Variants in ZFYVE28 observed in about 807,000 individuals in gnomAD.
The protein encoded by ZFYVE28 is lateral signaling target protein 2 homolog.
ZFYVE28 carries 40 observed loss-of-function variants against 82.1 expected under a neutral mutation model. The observed-to-expected ratio is 0.49, with a 90% confidence interval of 0.38 to 0.63. The LOEUF (loss-of-function observed/expected upper bound fraction) is 0.63, where lower values mean the gene tolerates loss of function less well. ZFYVE28 is among the 30% of genes least tolerant of loss of function. ZFYVE28 has a pLI of 0.00. For missense variants in ZFYVE28, 1,321 were observed against 1,242.1 expected (o/e 1.06, Z -0.96); for synonymous variants, 612 against 546.1 (o/e 1.12, Z -1.68).
intron 9 of ZFYVE28, 45 bp downstream of exon 9, chr4:2,274,017 G>A (rs375407206): frequency 4.7e-5 from 75 of 1,603,104 alleles, no homozygotes; most frequent in Admixed American, 1.8e-4. Context: ...AGCGCAGCCC[G>A]TGTGTCCTCA....
At chr4:2,370,667 T>A (rs1478994411) in intron 1 of ZFYVE28, among the ~76,000 whole-genome samples, 1 of 152,168 alleles carries the variant, frequency 6.6e-6, no homozygotes, top group African/African-American at 2.4e-5. Flanking sequence ...GGCATCACTG[T>A]ACCGGGAGAG....
intron 1 of ZFYVE28, among the ~76,000 whole-genome samples, chr4:2,371,201 C>T (rs954732723): frequency 6.6e-6 from 1 of 152,188 alleles, no homozygotes; most frequent in Non-Finnish European, 1.5e-5. Flanking sequence ...AGGGCAAAGC[C>T]GCCTGGACAC....
chr4:2,402,431 A>G (rs1477704691), intron 1 of ZFYVE28, among the ~76,000 whole-genome samples: 1 of 152,228 alleles, frequency 6.6e-6, no homozygotes, highest in Non-Finnish European at 1.5e-5. Context: ...TATGGTCCCC[A>G]GAAGTCCTGA....
intron 1 of ZFYVE28, among the ~76,000 whole-genome samples, chr4:2,356,516 G>A (rs1334836262): frequency 6.6e-6 from 1 of 151,832 alleles, no homozygotes; most frequent in Non-Finnish European, 1.5e-5. Context: ...GTGGGCACTG[G>A]CTGCCATCTG....
chr4:2,336,130 G>C (rs1721650577), intron 5 of ZFYVE28, among the ~76,000 whole-genome samples: 1 of 152,172 alleles, frequency 6.6e-6, no homozygotes, highest in South Asian at 2.1e-4. Context: ...CCAGAGGACG[G>C]CTCTGCTCAG....
intron 8 of ZFYVE28, among the ~76,000 whole-genome samples, chr4:2,284,560 G>T (rs1577895682): frequency 1.3e-5 from 2 of 152,330 alleles, no homozygotes; most frequent in Admixed American, 1.3e-4. Flanking sequence ...CAGAGGTGAA[G>T]GCCTTGCTGC....
At position 2,320,210 on chromosome 4, in the gene ZFYVE28, C is replaced by T. The variant is rs763977733; in HGVS notation, c.763G>A (p.Glu255Lys). 8 of 1,613,840 alleles carry T rather than the reference C, an allele frequency of 5.0e-6. No homozygotes were observed. Among genetic ancestry groups the T allele is most frequent in the Admixed American group, 3.3e-5 (2 of 59,988 alleles). The stretch of plus-strand genomic sequence containing the variant: ...AACGTGTGGAAGGGCCGGAACAGCT[C>T]GGACATGTCTTCCACCTTGCGGTCC... ...NLDRKVEDMS[E>K]LFRPFHTLLR... Residue 255 changes from glutamate (E) to lysine (K), a missense_variant, in exon 7 of 13, where the codon GAG (glutamate) becomes AAG (lysine). This residue lies in a region of ZFYVE28 where 343 missense variants were observed against 408.4 expected (regional missense o/e 0.84). Transcript: ENST00000290974. This position sits in a 1 kb window ranked among gnomAD's most constrained non-coding sequence, Gnocchi z 5.1.
chr4:2,339,680 A>G lies in ZFYVE28; in HGVS notation c.319-25T>C. On this transcript the variant is annotated intron_variant, in intron 3 of 12. Transcript: ENST00000290974. This position sits in a 1 kb window ranked among gnomAD's most constrained non-coding sequence, Gnocchi z 5.0. ...ACTGCGGGAGGGGACACACTCAGGG[A>G]GGGGCCCGGGTGAGGGCCAGGCTCT... 2.6e-6 allele frequency: 4 copies of G among 1,567,042 alleles called. No homozygotes were observed. The highest frequency in any genetic ancestry group is 1.4e-5 in the African/African-American group (1 of 73,694).
At chr4:2,330,852 G>T in intron 6 of ZFYVE28, 1 of 1,535,226 alleles carries the variant, frequency 6.5e-7, no homozygotes, top group Non-Finnish European at 8.7e-7. Context: ...GGGGACTGGG[G>T]AGAGAGGACT....
chr4:2,368,217 A>AAAAAAAAAAAAC lies in ZFYVE28; in HGVS notation c.40-14145_40-14144insGTTTTTTTTTTT, dbSNP rs1727107091. Among the ~76,000 whole-genome samples the AAAAAAAAAAAAC allele has an allele frequency of 3.4e-5, 5 of 145,460 alleles. 1 individual carries two copies. The highest frequency in any genetic ancestry group is 7.5e-3 in the Middle Eastern group (2 of 268). Reference sequence around the variant, plus strand: ...ACAAAGCAACACATCTCTACAAAAAAAAAAAAAAAAAAACACTGTATCTAC... The same window carrying AAAAAAAAAAAAC: ...ACAAAGCAACACATCTCTACAAAAAAAAAAAAAAAAACAAAAAAAAAAAAACACTGTATCTAC... On this transcript the variant is annotated intron_variant, in intron 1 of 12. Transcript: ENST00000290974.
rs1264183094 is a variant in ZFYVE28 at position 2,335,131 on chromosome 4, T to G, written c.701+574A>C. Among the ~76,000 whole-genome samples, 1 of 151,582 alleles carries G rather than the reference T, an allele frequency of 6.6e-6. No homozygotes were observed. The highest frequency in any genetic ancestry group is 2.4e-5 in the African/African-American group (1 of 41,262). Reference sequence around the variant, plus strand: ...GCCCCACAGGACCCTACAGGCTGCCTTGAGTTCCCTGCTCTCCCAGACGGC... The same window carrying G: ...GCCCCACAGGACCCTACAGGCTGCCGTGAGTTCCCTGCTCTCCCAGACGGC... On this transcript the variant is annotated intron_variant, in intron 6 of 12. Transcript: ENST00000290974. This position sits in a 1 kb window ranked among gnomAD's most constrained non-coding sequence, Gnocchi z 5.8.
At chr4:2,305,659 T>C in intron 7 of ZFYVE28, 123 bp from the exon 8 acceptor site, 1 of 1,181,690 alleles carries the variant, frequency 8.5e-7, no homozygotes, top group South Asian at 1.5e-5. Context: ...ACTGAATGCT[T>C]GCAACTGAAT....
intron 3 of ZFYVE28, among the ~76,000 whole-genome samples, chr4:2,340,118 G>A (rs891895159): frequency 2.0e-5 from 3 of 152,156 alleles, no homozygotes; most frequent in South Asian, 2.1e-4. Flanking sequence ...TGAAGCAGCC[G>A]GGCTGATCCG....
rs182082040 is a variant in ZFYVE28, at chr4:2,418,050, G to T, written c.39+235C>A. Among the ~76,000 whole-genome samples the T allele has an allele frequency of 8.9e-4, 135 of 152,178 alleles. 4 individuals carry two copies. The East Asian group carries it at 0.023, about 26-fold the overall frequency. On this transcript the variant is annotated intron_variant, in intron 1 of 12. Coordinates refer to ENST00000290974, the MANE Select transcript of ZFYVE28 (RefSeq NM_020972.3). The surrounding 1 kb of genome is among the most constrained non-coding windows in gnomAD (Gnocchi z 4.6). The stretch of plus-strand genomic sequence containing the variant: ...CGCCCCGGCCCGAGAGGAGGAGCAG[G>T]AGGGTCAGTCCTGGACCCGGGCTTA...
intron 8 of ZFYVE28, among the ~76,000 whole-genome samples, chr4:2,302,349 G>T (rs1715687415): frequency 6.6e-6 from 1 of 152,034 alleles, no homozygotes; most frequent in African/African-American, 2.4e-5. Context: ...AGCTGTCAAT[G>T]GCAAGTTCTA....
In ZFYVE28 at chr4:2,320,768, C is replaced by T. The variant is rs1718955892; in HGVS notation, c.702-497G>A. Among the ~76,000 whole-genome samples, 1 of 152,180 alleles carries T rather than the reference C, an allele frequency of 6.6e-6. No individual in the cohort carries two copies. Among genetic ancestry groups the T allele is most frequent in the South Asian group, 2.1e-4 (1 of 4,830 alleles). ...GCAGCCTGGCCAACGCTCCACAAGCCACGAGACCAAAGCAGCCTCCCCTCA... is the reference window on the plus strand; with the variant it reads ...GCAGCCTGGCCAACGCTCCACAAGCTACGAGACCAAAGCAGCCTCCCCTCA... On this transcript the variant is annotated intron_variant, in intron 6 of 12. Transcript: ENST00000290974. This position sits in a 1 kb window ranked among gnomAD's most constrained non-coding sequence, Gnocchi z 5.1.
rs995108615 is a variant in ZFYVE28 at position 2,372,337 on chromosome 4, C to T, written c.40-18264G>A. ...ACAGAGGCGTGTCTTCACAGCCCTA[C>T]GCTGCCTCCCCAGCCCTTCCATCGC... On this transcript the variant is annotated intron_variant, in intron 1 of 12. Coordinates refer to ENST00000290974, the MANE Select transcript of ZFYVE28 (RefSeq NM_020972.3). This position sits in a 1 kb window ranked among gnomAD's most constrained non-coding sequence, Gnocchi z 5.2. Among the ~76,000 whole-genome samples, 1 of 152,084 alleles carries T rather than the reference C, an allele frequency of 6.6e-6. No individual in the cohort carries two copies. The highest frequency in any genetic ancestry group is 2.4e-5 in the African/African-American group (1 of 41,402).
rs145262352 is a variant in ZFYVE28 at position 2,405,635 on chromosome 4, G to A, written c.39+12650C>T. On this transcript the variant is annotated intron_variant, in intron 1 of 12. Coordinates refer to ENST00000290974, the MANE Select transcript of ZFYVE28 (RefSeq NM_020972.3). ...GCCGGGGCACAGGAGAGTGGCCCCC[G>A]TGCCCATTGTCTCTGAGACCTCACG... Among the ~76,000 whole-genome samples the A allele has an allele frequency of 4.9e-3, 749 of 152,324 alleles. 9 individuals are homozygous for A. The highest frequency in any genetic ancestry group is 5.3e-3 in the Non-Finnish European group (359 of 68,026).
At chr4:2,319,308 T>G (rs1718693636) in intron 7 of ZFYVE28, among the ~76,000 whole-genome samples, 1 of 152,068 alleles carries the variant, frequency 6.6e-6, no homozygotes, top group Non-Finnish European at 1.5e-5. Context: ...AGATGAAACA[T>G]GGACTGAACC....
Sources: gnomAD v4.1 joint callset for allele counts (sites outside exome capture counted in the v4.1 genomes callset) on GRCh38, gnomAD v4.1.1 for gene constraint, gnomAD v4.1.1 regional missense constraint, Gnocchi (gnomAD v3.1) non-coding constraint, MANE v1.5 for transcripts, NCBI Gene and HGNC (gene_info 2026-07-23, HGNC 2026-07-21) for gene names.